SNAPC2: variants seen among roughly 807,000 people sequenced by gnomAD.
SNAPC2 encodes snRNA-activating protein complex subunit 2.
A neutral mutation model predicts 22.9 loss-of-function variants in SNAPC2; 27 were observed. The ratio of observed to expected loss-of-function variants is 1.18; its 90% CI spans 0.87 to 1.63. The LOEUF is 1.63. Ranked by LOEUF, SNAPC2 falls within the 40% of genes most tolerant of loss-of-function variation. The pLI, the probability that SNAPC2 is intolerant of heterozygous loss-of-function variation, is 0.00. For missense variants in SNAPC2, 570 were observed against 449.1 expected (o/e 1.27, Z -2.43); for synonymous variants, 272 against 201.0 (o/e 1.35, Z -2.99).
rs766391778 is a variant in SNAPC2 at position 7,922,199 on chromosome 19, C to A, written c.537C>A (p.Pro179=). The change falls in exon 4 of 5, where the codon CCC becomes CCA. Residue 179 remains proline, a synonymous_variant. Transcript: ENST00000221573. The stretch of plus-strand genomic sequence containing the variant: ...CCCCTGCTGCACCTAGCTCCGCACC[C>A]AGGACTCCTGACCCTGCCCCTGAGA... ...SSAPAAPSSA[P]RTPDPAPEKP... is the part of the protein sequence containing the mutation. 4.3e-6 allele frequency: 7 copies of A among 1,614,048 alleles called. No individual in the cohort carries two copies. Among genetic ancestry groups the A allele is most frequent in the Non-Finnish European group, 4.2e-6 (5 of 1,180,038 alleles).
At chr19:7,920,589 G>A (rs1983529978) in intron 1 of SNAPC2, 40 bp downstream of exon 1, 2 of 1,122,524 alleles carry the variant, frequency 1.8e-6, no homozygotes, top group Non-Finnish European at 2.4e-6. Context: ...GGCTGGAGGC[G>A]GGGCTGGGGT....
At chr19:7,921,321 C>T in intron 1 of SNAPC2, 102 bp from the exon 2 acceptor site, 2 of 1,569,186 alleles carry the variant, frequency 1.3e-6, no homozygotes, top group South Asian at 1.1e-5. Context: ...GAGACTAAGG[C>T]GCAGTAGCGG....
intron 3 of SNAPC2, 101 bp downstream of exon 3, chr19:7,921,874 G>A: frequency 7.1e-7 from 1 of 1,413,608 alleles, no homozygotes; most frequent in Non-Finnish European, 9.9e-7. Context: ...CCAGCTCTGT[G>A]GACTCCGTCA....
chr19:7,921,265 G>A, intron 1 of SNAPC2, 158 bp from the exon 2 acceptor site: 1 of 1,435,970 alleles, frequency 7.0e-7, no homozygotes, highest in Non-Finnish European at 9.4e-7. Flanking sequence ...TCTGGGTGGG[G>A]TAGGGGCCTT....
At chr19:7,921,194 G>T in intron 1 of SNAPC2, 1 of 1,423,330 alleles carries the variant, frequency 7.0e-7, no homozygotes, top group Non-Finnish European at 9.2e-7. Context: ...TTGGGCCCTG[G>T]CTGCGTGAAG....
chr19:7,920,532 G>T lies in SNAPC2; in HGVS notation c.166G>T (p.Gly56Cys), dbSNP rs1407818443. 3.5e-6 allele frequency: 5 copies of T among 1,437,504 alleles called. No individual in the cohort carries two copies. The East Asian group carries it at 1.2e-4, about 33-fold the overall frequency. 89.0% of individuals were successfully genotyped at this position (1,437,504 alleles called of 1,614,324 possible). A position where few individuals can be genotyped will look rare whatever the true frequency, so the allele number is the denominator to read the frequency against. The change falls in exon 1 of 5, where the codon GGC becomes TGC. Residue 56 changes from glycine to cysteine, a missense_variant. Transcript: ENST00000221573. ...CACCGAGCTGGCCCGGGAGCTGCGG[G>T]GCCGGAGCGAGGCTGAGGTGAGATG... ...DATELARELR[G>C]RSEAEIRVFL... is the part of the protein sequence containing the mutation.
intron 1 of SNAPC2, 74 bp downstream of exon 1, chr19:7,920,623 C>G: frequency 2.4e-6 from 1 of 417,522 alleles, no homozygotes. Context: ...GGCGGGGCTG[C>G]GGCAGGAGCC....
Position 7,922,263 on chromosome 19 carries a change from G to T in SNAPC2, c.601G>T (p.Asp201Tyr). 6.2e-7 allele frequency: 1 copy of T among 1,613,936 alleles called. No individual in the cohort carries two copies. The highest frequency in any genetic ancestry group is 2.2e-5 in the East Asian group (1 of 44,862). ...ESSAGPSTEE[D>Y]FAVDFEKIYK... is the part of the protein sequence containing the mutation. ...GTCGGCTGGTCCCTCCACTGAAGAA[G>T]ACTTTGCTGTGGACTTTGAGAAGAT... Residue 201 changes from aspartate (D) to tyrosine (Y), a missense_variant, in exon 4 of 5, where the codon GAC (aspartate) becomes TAC (tyrosine). Physicochemically the swap from Asp to Tyr is radical, Grantham distance 160 (BLOSUM62 -3). Coordinates refer to ENST00000221573, the MANE Select transcript of SNAPC2 (RefSeq NM_003083.4).
In SNAPC2 at chr19:7,922,543, C is replaced by A. The variant is rs116635738; in HGVS notation, c.784C>A (p.Arg262Ser). Residue 262 changes from arginine to serine, a missense_variant, in exon 5 of 5, where the codon CGC becomes AGC. Transcript: ENST00000221573. ...LVEHMTETYL[R>S]LTAPQPIPAG... Reference sequence around the variant, plus strand: ...TGAGCATATGACGGAGACGTACCTACGCCTGACAGCCCCCCAGCCCATTCC... The same window carrying A: ...TGAGCATATGACGGAGACGTACCTAAGCCTGACAGCCCCCCAGCCCATTCC... 2 of 1,613,152 alleles carry A rather than the reference C, an allele frequency of 1.2e-6. No homozygotes were observed. The highest frequency in any genetic ancestry group is 8.5e-7 in the Non-Finnish European group (1 of 1,179,618).
Position 7,921,368 on chromosome 19 carries a change from C to T in SNAPC2, c.184-55C>T, listed in dbSNP as rs535120554. 5.0e-6 allele frequency: 8 copies of T among 1,612,546 alleles called. No homozygotes were observed. In the African/African-American group the frequency reaches 6.7e-5, roughly 13 times the overall value. ...TACAAGGGATTGGGCTTTGGCTTCT[C>T]TGCTGCAGCCCTGAGCTCATAGAAG... On this transcript the variant is annotated intron_variant, in intron 1 of 4. Transcript: ENST00000221573.
At position 7,922,649 on chromosome 19, in the gene SNAPC2, A is replaced by C. The variant is rs755266390; in HGVS notation, c.890A>C (p.Glu297Ala). 2 of 1,613,572 alleles carry C rather than the reference A, an allele frequency of 1.2e-6. No homozygotes were observed. The highest frequency in any genetic ancestry group is 2.2e-5 in the South Asian group (2 of 91,066). ...KAPEETPPAT[E>A]KAEHSELKSP... ...CCAGAGGAGACCCCCCCAGCCACCG[A>C]GAAGGCCGAGCACAGCGAACTGAAA... The change falls in exon 5 of 5, where the codon GAG becomes GCG. Residue 297 changes from glutamate (E) to alanine (A), a missense_variant. By Grantham distance (107) the Glu-to-Ala change is moderately radical (BLOSUM62 -1). Transcript: ENST00000221573.
chr19:7,922,358 T>C lies in SNAPC2; in HGVS notation c.685+11T>C. On this transcript the variant is annotated intron_variant, in intron 4 of 4. Transcript: ENST00000221573. ...AGCTCTCAGCAGCTGGTGAGAAGGG[T>C]GAGGGAGGGGGCAGGAGCAGAGGGA... The C allele has an allele frequency of 6.2e-7, 1 of 1,609,858 alleles. No individual in the cohort carries two copies. The highest frequency in any genetic ancestry group is 8.5e-7 in the Non-Finnish European group (1 of 1,177,730).
At chr19:7,920,924 T>G in intron 1 of SNAPC2, 1 of 1,082,158 alleles carries the variant, frequency 9.2e-7, no homozygotes, top group African/African-American at 1.8e-5. Flanking sequence ...ATAGCAAGAC[T>G]TAAGGGCGGG....
rs1398947103 is a variant in SNAPC2 at position 7,922,619 on chromosome 19, A to G, written c.860A>G (p.Lys287Arg). 2 of 1,613,456 alleles carry G rather than the reference A, an allele frequency of 1.2e-6. No homozygotes were observed. The highest frequency in any genetic ancestry group is 1.7e-6 in the Non-Finnish European group (2 of 1,179,898). The change falls in exon 5 of 5, where the codon AAG (lysine) becomes AGG (arginine). Residue 287 changes from lysine to arginine, a missense_variant. Transcript: ENST00000221573. Reference protein sequence around the residue: ...PAAEGDGAGSKAPEETPPATE... With the variant: ...PAAEGDGAGSRAPEETPPATE... The stretch of plus-strand genomic sequence containing the variant: ...GCAGAAGGGGATGGGGCTGGCTCCA[A>G]GGCACCAGAGGAGACCCCCCCAGCC...
At chr19:7,921,797 T>C (rs372400847) in intron 3 of SNAPC2, 24 bp downstream of exon 3, 2 of 1,607,834 alleles carry the variant, frequency 1.2e-6, no homozygotes, top group Non-Finnish European at 1.7e-6. Flanking sequence ...CCCAGGCAGG[T>C]CAGGGTGTCC....
intron 1 of SNAPC2, 176 bp downstream of exon 1, chr19:7,920,725 G>A: frequency 4.0e-6 from 2 of 505,966 alleles, no homozygotes; most frequent in Non-Finnish European, 6.6e-6. Flanking sequence ...GGGGTGAGGG[G>A]CGGGGCGTGG....
At position 7,922,676 on chromosome 19, in the gene SNAPC2, C is replaced by T. The variant is rs537522374; in HGVS notation, c.917C>T (p.Ser306Leu). The change falls in exon 5 of 5, where the codon TCG becomes TTG. Residue 306 changes from serine to leucine, a missense_variant. Transcript: ENST00000221573. Reference sequence around the variant, plus strand: ...AAGGCCGAGCACAGCGAACTGAAATCGCCTTGGCAAGCAGCTGGGATCTGT... The same window carrying T: ...AAGGCCGAGCACAGCGAACTGAAATTGCCTTGGCAAGCAGCTGGGATCTGT... The part of the protein sequence containing the change: ...TEKAEHSELK[S>L]PWQAAGICPL... 13 of 1,613,608 alleles carry T rather than the reference C, an allele frequency of 8.1e-6. No individual in the cohort carries two copies. In the East Asian group the frequency reaches 1.6e-4, roughly 19 times the overall value.
intron 1 of SNAPC2, chr19:7,921,034 T>C: frequency 1.7e-6 from 2 of 1,154,610 alleles, no homozygotes; most frequent in Non-Finnish European, 2.1e-6. Context: ...AGGCGAGGGC[T>C]AAACGGGCGG....
rs1229344025 is a variant in SNAPC2, at chr19:7,923,230, TATC to T, written c.*469_*471del. The T allele has an allele frequency of 1.9e-5, 3 of 158,198 alleles. No individual in the cohort carries two copies. The highest frequency in any genetic ancestry group is 4.2e-5 in the Non-Finnish European group (3 of 72,226). 9.8% of individuals were successfully genotyped at this position (158,198 alleles called of 1,614,324 possible). A position where few individuals can be genotyped will look rare whatever the true frequency, so the allele number is the denominator to read the frequency against. On this transcript the variant is annotated 3_prime_UTR_variant, in exon 5 of 5. Transcript: ENST00000221573. ...GGTATTCTGTGACCATGAATAAAGT[TATC>T]ATTCTCTTTCTCTTTCACCTGTGAC...
Sources: gnomAD v4.1 joint callset for allele counts on GRCh38, gnomAD v4.1.1 for gene constraint, MANE v1.5 for transcripts, NCBI Gene and HGNC (gene_info 2026-07-23, HGNC 2026-07-21) for gene names.